Variants in CDH12 observed in about 807,000 individuals in gnomAD.
CDH12 encodes cadherin-12.
Under a neutral mutation model 74.1 loss-of-function variants are expected in CDH12, and 41 were observed. The ratio of observed to expected loss-of-function variants is 0.55; its 90% CI spans 0.43 to 0.72. The LOEUF is 0.72. CDH12 is among the 30% of genes least tolerant of loss of function. CDH12 has a pLI of 0.00. For synonymous variants in CDH12, 399 were observed against 355.0 expected (o/e 1.12, Z -1.39); for missense variants, 945 against 977.2 (o/e 0.97, Z 0.44).
intron 6 of CDH12, among the ~76,000 whole-genome samples, chr5:21,886,669 A>G (rs533565409): frequency 2.7e-5 from 4 of 150,764 alleles, no homozygotes; most frequent in Non-Finnish European, 5.9e-5. Flanking sequence ...CATGTCTTCA[A>G]ATATTACACA....
chr5:22,295,168 G>A lies in CDH12; in HGVS notation c.-332-82525C>T, dbSNP rs77194667. ...GCCTCTTCCCTATTGCAATAGTCTTGAGAAAAGTCTTCCTTGCCTGTTTAC... is the reference window on the plus strand; with the variant it reads ...GCCTCTTCCCTATTGCAATAGTCTTAAGAAAAGTCTTCCTTGCCTGTTTAC... On this transcript the variant is annotated intron_variant, in intron 3 of 14. Coordinates refer to ENST00000382254, the MANE Select transcript of CDH12 (RefSeq NM_004061.5). 4.4e-3 allele frequency among the ~76,000 whole-genome samples: 665 copies of A among 152,088 alleles called. 7 individuals are homozygous for A. The highest frequency in any genetic ancestry group is 0.015 in the African/African-American group (636 of 41,490).
At chr5:22,238,477 T>G (rs1158042480) in intron 3 of CDH12, among the ~76,000 whole-genome samples, 1 of 152,196 alleles carries the variant, frequency 6.6e-6, no homozygotes, top group African/African-American at 2.4e-5. Context: ...AAGATTGCCT[T>G]TGAGCTCTGA....
intron 5 of CDH12, among the ~76,000 whole-genome samples, chr5:22,024,983 C>T (rs927077020): frequency 1.2e-4 from 19 of 152,070 alleles, no homozygotes; most frequent in Non-Finnish European, 2.6e-4. Context: ...TACTTTTCAA[C>T]AATTGTTCAG....
intron 1 of CDH12, among the ~76,000 whole-genome samples, chr5:22,753,971 T>A (rs1297624675): frequency 6.6e-6 from 1 of 152,198 alleles, no homozygotes; most frequent in Admixed American, 6.5e-5. Flanking sequence ...CTGCTTACTA[T>A]CATCCATATT....
intron 3 of CDH12, among the ~76,000 whole-genome samples, chr5:22,263,579 T>C (rs1250522424): frequency 2.0e-5 from 3 of 152,108 alleles, no homozygotes; most frequent in Admixed American, 1.3e-4. Context: ...AATTCCATTT[T>C]TGGGGGGTGT....
intron 2 of CDH12, among the ~76,000 whole-genome samples, chr5:22,473,159 T>A (rs1746036111): frequency 1.3e-5 from 2 of 152,208 alleles, no homozygotes; most frequent in Admixed American, 6.5e-5. Context: ...GTTCCTCAAT[T>A]TTGAATATGA....
chr5:22,547,941 T>G (rs971059266), intron 1 of CDH12, among the ~76,000 whole-genome samples: 2 of 152,198 alleles, frequency 1.3e-5, no homozygotes, highest in African/African-American at 4.8e-5. Flanking sequence ...GGGGTAAATT[T>G]TATAGGCAAA....
At chr5:22,559,370 A>T (rs973957735) in intron 1 of CDH12, among the ~76,000 whole-genome samples, 1 of 152,132 alleles carries the variant, frequency 6.6e-6, no homozygotes, top group Non-Finnish European at 1.5e-5. Context: ...AAAAATTTTT[A>T]AAGTTAAAAT....
intron 2 of CDH12, among the ~76,000 whole-genome samples, chr5:22,492,062 A>G (rs1320500083): frequency 6.6e-6 from 1 of 152,152 alleles, no homozygotes; most frequent in Non-Finnish European, 1.5e-5. Context: ...GGACGTTAGC[A>G]TATGAATTTT....
intron 10 of CDH12, among the ~76,000 whole-genome samples, chr5:21,790,898 A>T (rs930079104): frequency 6.6e-6 from 1 of 151,954 alleles, no homozygotes; most frequent in Non-Finnish European, 1.5e-5. Context: ...TACAGTACAA[A>T]CCATAAACAC....
chr5:22,523,542 A>G (rs1737139240), intron 1 of CDH12, among the ~76,000 whole-genome samples: 1 of 152,216 alleles, frequency 6.6e-6, no homozygotes, highest in South Asian at 2.1e-4. Context: ...CAAATATTTC[A>G]GGTTCCACGT....
At chr5:22,815,786 T>TAA (rs1261896590) in intron 1 of CDH12, among the ~76,000 whole-genome samples, 1 of 132,300 alleles carries the variant, frequency 7.6e-6, no homozygotes, top group Admixed American at 7.6e-5. Context: ...AAAAAAAAAA[T>TAA]AAATAAATAA....
At chr5:22,426,567 T>A (rs1011712919) in intron 2 of CDH12, among the ~76,000 whole-genome samples, 13 of 152,174 alleles carry the variant, frequency 8.5e-5, no homozygotes, top group African/African-American at 3.1e-4. Context: ...AGTCAAATAT[T>A]TAACTAAATA....
chr5:21,810,241 T>G (rs1244904006), intron 9 of CDH12, among the ~76,000 whole-genome samples: 1 of 152,122 alleles, frequency 6.6e-6, no homozygotes. Context: ...TCTAAATAGA[T>G]TTCTTTCATT....
Position 21,986,366 on chromosome 5 carries a change from C to T in CDH12, c.232-10981G>A, listed in dbSNP as rs575028661. Among the ~76,000 whole-genome samples, 3 of 152,252 alleles carry T rather than the reference C, an allele frequency of 2.0e-5. No homozygotes were observed. The East Asian group carries it at 5.8e-4, about 29-fold the overall frequency. The stretch of plus-strand genomic sequence containing the variant: ...TTCATGGCTACATATAAAAGCCATC[C>T]TATTTCCTCAGATTGTCATATTTTG... On this transcript the variant is annotated intron_variant, in intron 5 of 14. Coordinates refer to ENST00000382254, the MANE Select transcript of CDH12 (RefSeq NM_004061.5).
chr5:22,104,376 T>C (rs1744311995), intron 4 of CDH12, among the ~76,000 whole-genome samples: 1 of 152,254 alleles, frequency 6.6e-6, no homozygotes, highest in Admixed American at 6.5e-5. Flanking sequence ...TAAACAGTCT[T>C]TGTGAAGTAT....
chr5:22,078,707 A>C lies in CDH12; in HGVS notation c.-31T>G, dbSNP rs780388974. 1.9e-6 allele frequency: 3 copies of C among 1,608,490 alleles called. No individual in the cohort carries two copies. The highest frequency in any genetic ancestry group is 1.7e-6 in the Non-Finnish European group (2 of 1,176,800). On this transcript the variant is annotated 5_prime_UTR_variant, in exon 5 of 15. Transcript: ENST00000382254. Reference sequence around the variant, plus strand: ...AAGGCTTTCCTACAGCAGAGTAATAAAAACTCCAACACTTAACGTAGAATT... The same window carrying C: ...AAGGCTTTCCTACAGCAGAGTAATACAAACTCCAACACTTAACGTAGAATT...
At chr5:22,699,831 A>G (rs1742615260) in intron 1 of CDH12, among the ~76,000 whole-genome samples, 2 of 152,150 alleles carry the variant, frequency 1.3e-5, no homozygotes, top group South Asian at 2.1e-4. Context: ...CAAAATAGGG[A>G]TAGTTCGGTG....
At chr5:22,274,071 C>T in intron 3 of CDH12, among the ~76,000 whole-genome samples, 1 of 152,002 alleles carries the variant, frequency 6.6e-6, no homozygotes, top group Non-Finnish European at 1.5e-5. Context: ...ATGTGTAACA[C>T]CAGGCACTGT....
Sources: allele counts gnomAD v4.1 joint callset (sites outside exome capture counted in the v4.1 genomes callset), GRCh38; gene constraint gnomAD v4.1.1; transcripts MANE v1.5; gene names NCBI Gene and HGNC (gene_info 2026-07-23, HGNC 2026-07-21).